The following UBR1 variants were observed in gnomAD, a reference collection of about 807,000 sequenced individuals.
UBR1 encodes ubiquitin protein ligase E3 component n-recognin 1.
UBR1 carries 102 observed loss-of-function variants against 242.1 expected under a neutral mutation model. The ratio of observed to expected loss-of-function variants is 0.42; its 90% CI spans 0.36 to 0.50. UBR1 has a LOEUF of 0.50. Among genes scored for constraint, UBR1 ranks in the 20% least tolerant of loss-of-function variants. The pLI, the probability that UBR1 is intolerant of heterozygous loss-of-function variation, is 0.01. For missense variants in UBR1, 1,772 were observed against 2,101.8 expected (o/e 0.84, Z 3.07); for synonymous variants, 675 against 684.8 (o/e 0.99, Z 0.22).
At chr15:42,975,594 C>G (rs1307058240) in intron 39 of UBR1, among the ~76,000 whole-genome samples, 1 of 152,100 alleles carries the variant, frequency 6.6e-6, no homozygotes, top group African/African-American at 2.4e-5. Flanking sequence ...ATATTTTATT[C>G]TGACATCACT....
intron 37 of UBR1, among the ~76,000 whole-genome samples, chr15:42,980,539 C>T (rs992164286): frequency 3.9e-5 from 6 of 152,128 alleles, no homozygotes; most frequent in African/African-American, 1.4e-4. Context: ...TTTAAAAATT[C>T]TAGGACAAGG....
chr15:43,070,248 T>TAAAA (rs746635905), intron 5 of UBR1, among the ~76,000 whole-genome samples: 1 of 25,232 alleles, frequency 4.0e-5, no homozygotes, highest in Non-Finnish European at 8.5e-5. Flanking sequence ...GAGTTCTAGC[T>TAAAA]AAAAAAAAAA....
At chr15:43,057,893 A>G (rs781548343) in intron 10 of UBR1, among the ~76,000 whole-genome samples, 4 of 151,866 alleles carry the variant, frequency 2.6e-5, no homozygotes, top group Admixed American at 1.3e-4. Flanking sequence ...AAATATTTAT[A>G]TAACGTATGA....
chr15:43,087,004 CTG>C (rs2034044950), intron 1 of UBR1, among the ~76,000 whole-genome samples: 1 of 152,154 alleles, frequency 6.6e-6, no homozygotes, highest in Admixed American at 6.6e-5. Context: ...TAGGGAGACC[CTG>C]TCTCTTAAAA....
In UBR1 at chr15:43,015,888, C is replaced by A. The variant is rs373903433; in HGVS notation, c.3028-19G>T. ...GAGTAATCTGGGTATTAAGAAATGA[C>A]AAATTTAGGTAAGATCCACTGTTAA... On this transcript the variant is annotated intron_variant, in intron 28 of 46. Transcript: ENST00000290650. 3.7e-6 allele frequency: 6 copies of A among 1,610,816 alleles called. No homozygotes were observed. Among genetic ancestry groups the A allele is most frequent in the Non-Finnish European group, 3.4e-6 (4 of 1,177,948 alleles).
At chr15:43,031,197 C>T (rs916154613) in intron 20 of UBR1, among the ~76,000 whole-genome samples, 3 of 151,860 alleles carry the variant, frequency 2.0e-5, no homozygotes, top group Middle Eastern at 3.2e-3. Flanking sequence ...AATGTTGACT[C>T]CTGAGAGTAA....
intron 15 of UBR1, 86 bp downstream of exon 15, chr15:43,043,122 TGAGCACA>T: frequency 7.0e-7 from 1 of 1,426,546 alleles, no homozygotes; most frequent in Non-Finnish European, 9.8e-7. Context: ...CTGTACATAT[TGAGCACA>T]GAACAAAAAT....
chr15:43,035,565 C>T (rs2033322512), intron 19 of UBR1, among the ~76,000 whole-genome samples: 1 of 149,154 alleles, frequency 6.7e-6, no homozygotes, highest in Non-Finnish European at 1.5e-5. Context: ...AATTTTCTCC[C>T]ATTTTGTAGG....
At chr15:42,948,606 C>A (rs1026600702) in intron 46 of UBR1, among the ~76,000 whole-genome samples, 15 of 150,702 alleles carry the variant, frequency 1.0e-4, no homozygotes, top group African/African-American at 3.6e-4. Context: ...ACAACCCCAT[C>A]AAAAAGTGGG....
intron 6 of UBR1, among the ~76,000 whole-genome samples, chr15:43,064,366 A>G (rs2033727245): frequency 6.6e-6 from 1 of 152,206 alleles, no homozygotes; most frequent in South Asian, 2.1e-4. Context: ...GGTTTGTTCA[A>G]TAAGAAATTA....
rs1007942228 is a variant in UBR1 at position 42,968,267 on chromosome 15, G to A, written c.4458-1981C>T. ...ACTTGTTTCAGTCTCAGAAACAAGT[G>A]GGTAGCTGTTATTCCAACCTACTAT... is the stretch of plus-strand genomic sequence containing the variant. On this transcript the variant is annotated intron_variant, in intron 40 of 46. Coordinates refer to ENST00000290650, the MANE Select transcript of UBR1 (RefSeq NM_174916.3). Among the ~76,000 whole-genome samples, 6 of 152,020 alleles carry A rather than the reference G, an allele frequency of 3.9e-5. No individual in the cohort carries two copies. In the East Asian group the frequency reaches 7.7e-4, roughly 20 times the overall value.
Position 42,952,353 on chromosome 15 carries a change from A to C in UBR1, c.4931T>G (p.Ile1644Ser). 3.1e-6 allele frequency: 5 copies of C among 1,614,210 alleles called. No homozygotes were observed. Among genetic ancestry groups the C allele is most frequent in the Non-Finnish European group, 4.2e-6 (5 of 1,180,022 alleles). ...AGCTCCAACCTCTTCCCCGTTCACA[A>C]TTTCCTGGCAGCAAATGTTCTGAGA... ...LCSQNICCQE[I>S]VNGEEVGACI... Residue 1644 changes from isoleucine to serine, a missense_variant, in exon 45 of 47, where the codon ATT becomes AGT. Transcript: ENST00000290650.
chr15:43,073,460 T>C (rs1380862074), intron 4 of UBR1, among the ~76,000 whole-genome samples: 2 of 152,214 alleles, frequency 1.3e-5, no homozygotes, highest in African/African-American at 4.8e-5. Flanking sequence ...ATAGCTAGCA[T>C]TTCTCTAGAA....
At chr15:43,067,107 C>T (rs1235042839) in intron 6 of UBR1, among the ~76,000 whole-genome samples, 1 of 152,122 alleles carries the variant, frequency 6.6e-6, no homozygotes, top group Non-Finnish European at 1.5e-5. Context: ...GTATCAGTCT[C>T]AAAGAGTTGA....
chr15:42,973,538 C>T (rs2032239891), intron 39 of UBR1, among the ~76,000 whole-genome samples: 3 of 152,146 alleles, frequency 2.0e-5, no homozygotes, highest in Admixed American at 1.3e-4. Flanking sequence ...AAGTGATCTG[C>T]CCACCTTGGC....
At chr15:42,954,858 C>T (rs111940639) in intron 44 of UBR1, among the ~76,000 whole-genome samples, 47 of 152,114 alleles carry the variant, frequency 3.1e-4, no homozygotes, top group African/African-American at 5.8e-4. Flanking sequence ...CATAATCCAC[C>T]GCACCTGGCC....
chr15:43,012,345 G>A (rs2032935999), intron 29 of UBR1, among the ~76,000 whole-genome samples: 3 of 151,932 alleles, frequency 2.0e-5, no homozygotes, highest in Admixed American at 6.6e-5. Flanking sequence ...AAAACCACTA[G>A]AAAACACGAA....
chr15:42,966,401 T>C, intron 40 of UBR1, 115 bp from the exon 41 acceptor site: 1 of 1,431,780 alleles, frequency 7.0e-7, no homozygotes, highest in Non-Finnish European at 9.6e-7. Flanking sequence ...TTATTATCCA[T>C]GCAATTTTTA....
chr15:43,069,217 G>A (rs1221635709), intron 5 of UBR1, among the ~76,000 whole-genome samples: 1 of 151,916 alleles, frequency 6.6e-6, no homozygotes, highest in Non-Finnish European at 1.5e-5. Flanking sequence ...CTACATTCAA[G>A]AGTGTTATGA....
Sources: allele counts gnomAD v4.1 joint callset (sites outside exome capture counted in the v4.1 genomes callset), GRCh38; gene constraint gnomAD v4.1.1; transcripts MANE v1.5; gene names NCBI Gene and HGNC (gene_info 2026-07-23, HGNC 2026-07-21).